The following NAALADL2 variants were observed in gnomAD, a reference collection of about 807,000 sequenced individuals.
The protein encoded by NAALADL2 is inactive N-acetylated-alpha-linked acidic dipeptidase-like protein 2.
Under a neutral mutation model 87.2 loss-of-function variants are expected in NAALADL2, and 76 were observed. The ratio of observed to expected loss-of-function variants is 0.87; its 90% CI spans 0.72 to 1.05. The LOEUF (loss-of-function observed/expected upper bound fraction) is 1.05. Among genes scored for constraint, NAALADL2 ranks in the 50% least tolerant of loss-of-function variants. NAALADL2 has a pLI of 0.00. For missense variants in NAALADL2, 1,089 were observed against 945.8 expected (o/e 1.15, Z -1.99); for synonymous variants, 354 against 331.0 (o/e 1.07, Z -0.75).
At chr3:175,187,721 T>C (rs1003649844) in intron 2 of NAALADL2, among the ~76,000 whole-genome samples, 1 of 152,164 alleles carries the variant, frequency 6.6e-6, no homozygotes, top group Non-Finnish European at 1.5e-5. Flanking sequence ...CATTAAGATA[T>C]GTGAGAATGA....
At chr3:175,218,006 G>C (rs968169409) in intron 2 of NAALADL2, 12 of 381,576 alleles carry the variant, frequency 3.1e-5, no homozygotes, top group African/African-American at 2.3e-4. Flanking sequence ...TGTCATTAAT[G>C]TATAGCCTGA....
chr3:174,974,868 G>C (rs1331227517), intron 1 of NAALADL2, among the ~76,000 whole-genome samples: 1 of 152,070 alleles, frequency 6.6e-6, no homozygotes, highest in Non-Finnish European at 1.5e-5. Context: ...TGATTTTTAT[G>C]ATGTGGTTAT....
intron 6 of NAALADL2, chr3:175,460,294 A>G (rs897858523): frequency 2.3e-6 from 1 of 431,146 alleles, no homozygotes; most frequent in African/African-American, 2.0e-5. Flanking sequence ...TTATTTTCAG[A>G]TGTGAGTATG....
At chr3:175,126,730 A>C (rs1727023563) in intron 2 of NAALADL2, among the ~76,000 whole-genome samples, 1 of 152,134 alleles carries the variant, frequency 6.6e-6, no homozygotes, top group African/African-American at 2.4e-5. Flanking sequence ...CGATTAATGA[A>C]GTTTCCTGAG....
chr3:175,635,115 A>C, intron 11 of NAALADL2, among the ~76,000 whole-genome samples: 1 of 152,034 alleles, frequency 6.6e-6, no homozygotes, highest in East Asian at 1.9e-4. Flanking sequence ...GAAACTGGAG[A>C]TTGTGCCAAC....
intron 2 of NAALADL2, among the ~76,000 whole-genome samples, chr3:174,677,114 C>G (rs570286004): frequency 3.3e-5 from 5 of 152,100 alleles, no homozygotes; most frequent in African/African-American, 1.2e-4. Flanking sequence ...TCTATCATAT[C>G]TATCTGCCGC....
chr3:175,341,637 G>A (rs1012147303), intron 5 of NAALADL2, among the ~76,000 whole-genome samples: 4 of 152,068 alleles, frequency 2.6e-5, no homozygotes, highest in African/African-American at 7.2e-5. Context: ...ATATATATGA[G>A]ATGTCCAAGT....
At chr3:174,991,390 AATG>A (rs1263432560) in intron 1 of NAALADL2, among the ~76,000 whole-genome samples, 1 of 152,108 alleles carries the variant, frequency 6.6e-6, no homozygotes, top group African/African-American at 2.4e-5. Context: ...CATTTTCTCT[AATG>A]ATAGAAATCT....
At chr3:175,665,933 C>CA (rs1320202266) in intron 11 of NAALADL2, among the ~76,000 whole-genome samples, 4 of 151,248 alleles carry the variant, frequency 2.6e-5, no homozygotes, top group African/African-American at 9.8e-5. Context: ...CTGTCCCCCC[C>CA]CCAAAAAAAA....
chr3:175,016,259 T>TA (rs1703203508), intron 1 of NAALADL2, among the ~76,000 whole-genome samples: 46 of 119,006 alleles, frequency 3.9e-4, no homozygotes, highest in African/African-American at 1.4e-3. Context: ...GATAAATTAT[T>TA]TATATATATA....
At chr3:174,687,936 C>A (rs1172998186) in intron 2 of NAALADL2, among the ~76,000 whole-genome samples, 1 of 152,148 alleles carries the variant, frequency 6.6e-6, no homozygotes, top group Non-Finnish European at 1.5e-5. Context: ...CTGCCTTTCA[C>A]TACGATTATG....
chr3:175,640,288 G>C (rs1233121322), intron 11 of NAALADL2, among the ~76,000 whole-genome samples: 1 of 152,080 alleles, frequency 6.6e-6, no homozygotes, highest in Non-Finnish European at 1.5e-5. Flanking sequence ...ATGTAGAAAA[G>C]TGATTTAAGC....
chr3:175,528,513 A>G (rs938472485), intron 9 of NAALADL2, among the ~76,000 whole-genome samples: 1 of 151,660 alleles, frequency 6.6e-6, no homozygotes, highest in East Asian at 1.9e-4. Context: ...TCTCAGACCC[A>G]CCCAGGATCA....
intron 11 of NAALADL2, among the ~76,000 whole-genome samples, chr3:175,727,645 C>A (rs972223068): frequency 3.3e-4 from 51 of 152,268 alleles, no homozygotes; most frequent in African/African-American, 1.2e-3. Flanking sequence ...ATTCTAATGT[C>A]TTTGAAAACT....
At chr3:175,273,966 A>G (rs960997293) in intron 4 of NAALADL2, among the ~76,000 whole-genome samples, 1 of 152,100 alleles carries the variant, frequency 6.6e-6, no homozygotes, top group African/African-American at 2.4e-5. Context: ...TGTTTTAAGT[A>G]AACTGTTTTT....
chr3:174,586,949 C>T (rs892983170), intron 2 of NAALADL2, among the ~76,000 whole-genome samples: 2 of 152,118 alleles, frequency 1.3e-5, no homozygotes, highest in African/African-American at 4.8e-5. Flanking sequence ...TCTTCATTTA[C>T]ATTAGGTATA....
rs765233495 is a variant in NAALADL2 at position 174,797,298 on chromosome 3, C to CTTTTTTTT, written c.-9+59558_-9+59559insTTTTTTTT. Among the ~76,000 whole-genome samples, 84 of 97,710 alleles carry CTTTTTTTT rather than the reference C, an allele frequency of 8.6e-4. 9 individuals are homozygous for CTTTTTTTT. The highest frequency in any genetic ancestry group is 2.0e-3 in the East Asian group (6 of 2,928). The allele number at this position is 97,710 out of a possible 152,430, so 64.1% of individuals were successfully genotyped here. The stretch of plus-strand genomic sequence containing the variant: ...CTGGGATCTTTTTTCTTTTGTTTTT[C>CTTTTTTTT]TTTTTTCTTTTTTTTTTTTTTTTTT... On this transcript the variant is annotated intron_variant, in intron 3 of 3. Coordinates refer to the NAALADL2 transcript ENST00000434257.
At chr3:174,855,415 C>A (rs996482011), upstream of NAALADL2, among the ~76,000 whole-genome samples, 1 of 152,194 alleles carries the variant, frequency 6.6e-6, no homozygotes, top group African/African-American at 2.4e-5. Flanking sequence ...TCTTTCATTT[C>A]TTATCCTGGT....
In NAALADL2 at chr3:174,711,535, C is replaced by T. The variant is rs142883974; in HGVS notation, c.-114-26106C>T. On this transcript the variant is annotated intron_variant, in intron 2 of 3. Coordinates refer to the NAALADL2 transcript ENST00000434257. Reference sequence around the variant, plus strand: ...TTCAAATACTTGGCTCTGGCCTTTTCTAATTTCTTTACTCATTAAGGGTAA... The same window carrying T: ...TTCAAATACTTGGCTCTGGCCTTTTTTAATTTCTTTACTCATTAAGGGTAA... Among the ~76,000 whole-genome samples the T allele has an allele frequency of 2.6e-5, 4 of 152,258 alleles. No individual in the cohort carries two copies. The East Asian group carries it at 7.7e-4, about 29-fold the overall frequency.
Sources: gnomAD v4.1 joint callset for allele counts (sites outside exome capture counted in the v4.1 genomes callset) on GRCh38, gnomAD v4.1.1 for gene constraint, MANE v1.5 for transcripts, NCBI Gene and HGNC (gene_info 2026-07-23, HGNC 2026-07-21) for gene names.